The following CCDC85A variants were observed in gnomAD, a reference collection of about 807,000 sequenced individuals.
The protein encoded by CCDC85A is coiled-coil domain containing 85A, also known as coiled-coil domain-containing protein 85A.
Under a neutral mutation model 50.2 loss-of-function variants are expected in CCDC85A, and 38 were observed. That is an observed-to-expected ratio of 0.76 (90% confidence interval 0.58 to 0.99). CCDC85A has a LOEUF of 0.99. CCDC85A is among the 50% of genes least tolerant of loss of function. CCDC85A has a pLI of 0.00. For synonymous variants in CCDC85A, 366 were observed against 301.4 expected, an observed-to-expected ratio of 1.21 and a Z score of -2.22; for missense variants, 820 against 742.0, an observed-to-expected ratio of 1.11 and a Z score of -1.22.
At chr2:56,206,167 T>G (rs1573022555) in intron 2 of CCDC85A, among the ~76,000 whole-genome samples, 1 of 152,114 alleles carries the variant, frequency 6.6e-6, no homozygotes, top group Non-Finnish European at 1.5e-5. Context: ...GGGAATGAAA[T>G]ACAATCCAAG....
At chr2:56,188,111 C>T (rs1676131797) in intron 1 of CCDC85A, among the ~76,000 whole-genome samples, 1 of 152,162 alleles carries the variant, frequency 6.6e-6, no homozygotes, top group Admixed American at 6.5e-5. Context: ...TAAAAGTCCA[C>T]TTAGACACTT....
chr2:56,241,614 T>C (rs1669262156), intron 2 of CCDC85A, among the ~76,000 whole-genome samples: 1 of 152,192 alleles, frequency 6.6e-6, no homozygotes, highest in Admixed American at 6.5e-5. Context: ...TTATTTTACT[T>C]AGCATAGTGA....
intron 5 of CCDC85A, among the ~76,000 whole-genome samples, chr2:56,379,315 A>G (rs1313077496): frequency 6.6e-6 from 1 of 152,080 alleles, no homozygotes; most frequent in African/African-American, 2.4e-5. Flanking sequence ...ACCTGTCACT[A>G]TCATCTTTTT....
intron 2 of CCDC85A, among the ~76,000 whole-genome samples, chr2:56,291,090 T>A (rs1671682517): frequency 6.6e-6 from 1 of 152,222 alleles, no homozygotes; most frequent in Non-Finnish European, 1.5e-5. Context: ...GATGATGAAT[T>A]GTGAAACTTC....
intron 2 of CCDC85A, among the ~76,000 whole-genome samples, chr2:56,210,763 G>A (rs1260601162): frequency 1.3e-5 from 2 of 151,720 alleles, no homozygotes; most frequent in East Asian, 1.9e-4. Flanking sequence ...AGTGTGGCTC[G>A]GTGATCCAAG....
intron 2 of CCDC85A, among the ~76,000 whole-genome samples, chr2:56,222,714 T>C (rs1668378786): frequency 6.6e-6 from 1 of 152,116 alleles, no homozygotes; most frequent in Admixed American, 6.6e-5. Context: ...ATGTTCTAAG[T>C]CTCCAATATG....
chr2:56,384,384 C>T lies in CCDC85A; in HGVS notation c.*29C>T, dbSNP rs1676735480. On this transcript the variant is annotated 3_prime_UTR_variant, in exon 6 of 6. Transcript: ENST00000407595. ...GCACTCTTTTTCAAACAGGAGATCACCACTGCCAGAAAGTGATAGAAGACA... is the reference window on the plus strand; with the variant it reads ...GCACTCTTTTTCAAACAGGAGATCATCACTGCCAGAAAGTGATAGAAGACA... The T allele has an allele frequency of 1.3e-6, 2 of 1,562,062 alleles. No homozygotes were observed. The highest frequency in any genetic ancestry group is 1.8e-6 in the Non-Finnish European group (2 of 1,137,840).
chr2:56,248,387 C>A (rs1345027235), intron 2 of CCDC85A, among the ~76,000 whole-genome samples: 2 of 152,078 alleles, frequency 1.3e-5, no homozygotes, highest in South Asian at 2.1e-4. Flanking sequence ...GCTCCTTGTA[C>A]CAGTATGGCC....
At chr2:56,252,984 A>C (rs144982212) in intron 2 of CCDC85A, among the ~76,000 whole-genome samples, 2 of 152,118 alleles carry the variant, frequency 1.3e-5, no homozygotes, top group East Asian at 3.9e-4. Flanking sequence ...GCGCCACTGC[A>C]CTCCAGTCTG....
intron 2 of CCDC85A, among the ~76,000 whole-genome samples, chr2:56,194,888 G>A (rs1016340): frequency 0.16 from 23,861 of 148,936 alleles, 1,967 homozygotes; most frequent in Admixed American, 0.21. Context: ...GCTGTGGGCA[G>A]TCTTGGCTGC....
chr2:56,383,204 G>A (rs1573383214), intron 5 of CCDC85A, among the ~76,000 whole-genome samples: 1 of 152,034 alleles, frequency 6.6e-6, no homozygotes, highest in Non-Finnish European at 1.5e-5. Flanking sequence ...AGGATATTGG[G>A]TTTCCCTGTA....
chr2:56,373,005 T>A (rs1363684788), intron 4 of CCDC85A, among the ~76,000 whole-genome samples: 1 of 152,236 alleles, frequency 6.6e-6, no homozygotes, highest in Non-Finnish European at 1.5e-5. Flanking sequence ...ACTGAGAGTA[T>A]ATGTAAATTG....
chr2:56,377,641 A>G (rs2104401296), intron 5 of CCDC85A, among the ~76,000 whole-genome samples: 2 of 152,222 alleles, frequency 1.3e-5, no homozygotes, highest in Middle Eastern at 3.4e-3. Context: ...ACAAAATTTT[A>G]TCTCTGGGAG....
chr2:56,378,223 T>C (rs959912946), intron 5 of CCDC85A, among the ~76,000 whole-genome samples: 1 of 152,220 alleles, frequency 6.6e-6, no homozygotes, highest in South Asian at 2.1e-4. Context: ...GTGAAAAGAA[T>C]AATTAGTACA....
intron 2 of CCDC85A, among the ~76,000 whole-genome samples, chr2:56,198,911 G>A (rs1163963939): frequency 6.6e-6 from 1 of 152,206 alleles, no homozygotes; most frequent in Non-Finnish European, 1.5e-5. Flanking sequence ...ATGTTCAAAT[G>A]TGTCTGGCAT....
intron 2 of CCDC85A, among the ~76,000 whole-genome samples, chr2:56,295,725 G>C (rs1461626793): frequency 1.3e-5 from 2 of 152,170 alleles, no homozygotes; most frequent in Non-Finnish European, 2.9e-5. Flanking sequence ...TCTCTTGAGT[G>C]TTAGCATCAT....
chr2:56,385,323 A>G lies in CCDC85A; in HGVS notation c.*968A>G, dbSNP rs1254843283. 1 of 152,272 alleles carries G rather than the reference A, an allele frequency of 6.6e-6. No homozygotes were observed. Among genetic ancestry groups the G allele is most frequent in the Non-Finnish European group, 1.5e-5 (1 of 67,850 alleles). 9.4% of individuals were successfully genotyped at this position (152,272 alleles called of 1,614,324 possible). A position where few individuals can be genotyped will look rare whatever the true frequency, so the allele number is the denominator to read the frequency against. The stretch of plus-strand genomic sequence containing the variant: ...TCTTTGCCTACTGCAGCTATCTAAC[A>G]TTTTATGAAACTGACGCATGTCCTT... On this transcript the variant is annotated 3_prime_UTR_variant, in exon 6 of 6. Coordinates refer to ENST00000407595, the MANE Select transcript of CCDC85A (RefSeq NM_001080433.2).
intron 2 of CCDC85A, among the ~76,000 whole-genome samples, chr2:56,280,543 C>G (rs549158996): frequency 1.3e-5 from 2 of 152,222 alleles, no homozygotes; most frequent in East Asian, 3.9e-4. Flanking sequence ...TGCTTACAAG[C>G]AAGAACTGAA....
chr2:56,218,318 T>C (rs2103898684), intron 2 of CCDC85A, among the ~76,000 whole-genome samples: 1 of 151,916 alleles, frequency 6.6e-6, no homozygotes, highest in South Asian at 2.1e-4. Flanking sequence ...AGTTCTCTAA[T>C]TTTTTTAAAT....
Sources: gnomAD v4.1 joint callset for allele counts (sites outside exome capture counted in the v4.1 genomes callset) on GRCh38, gnomAD v4.1.1 for gene constraint, MANE v1.5 for transcripts, NCBI Gene and HGNC (gene_info 2026-07-23, HGNC 2026-07-21) for gene names.